Variants in LIN7A observed in about 807,000 individuals in gnomAD.
LIN7A encodes lin-7 cell polarity scaffold A, also known as protein lin-7 homolog A.
In LIN7A, 25 loss-of-function variants were observed where a neutral mutation model predicts 29.8. That is an observed-to-expected ratio of 0.84 (90% CI 0.61 to 1.17). LIN7A has a LOEUF of 1.17. Among genes scored for constraint, LIN7A ranks in the 50% most tolerant of loss-of-function variants. The pLI is 0.00. For synonymous variants in LIN7A, 118 were observed against 107.5 expected (o/e 1.10, Z -0.60); for missense variants, 239 against 287.0 (o/e 0.83, Z 1.21).
intron 4 of LIN7A, among the ~76,000 whole-genome samples, chr12:80,813,273 A>G (rs1871381753): frequency 6.6e-6 from 1 of 152,142 alleles, no homozygotes; most frequent in African/African-American, 2.4e-5. Flanking sequence ...GGCCTCCCAA[A>G]GTGCTGGGAT....
rs544349511 is a variant in LIN7A, at chr12:80,854,898, T to A, written c.202-6576A>T. Among the ~76,000 whole-genome samples, 338 of 152,258 alleles carry A rather than the reference T, an allele frequency of 2.2e-3. 2 individuals carry two copies. Among genetic ancestry groups the A allele is most frequent in the African/African-American group, 7.7e-3 (318 of 41,560 alleles). ...AGTAAGGGTTTGAAACATAAAGACA[T>A]ATATATCTAAGAATATATTTCATAT... On this transcript the variant is annotated intron_variant, in intron 2 of 5. Transcript: ENST00000552864.
In LIN7A at chr12:80,835,655, C is replaced by G. The variant is rs1320897399; in HGVS notation, c.483+10075G>C. On this transcript the variant is annotated intron_variant, in intron 4 of 5. Transcript: ENST00000552864. ...AAAAGGTATCCAGCGTAATGCCAGACACTCTTACATACTTTCTCTTATTTA... is the reference window on the plus strand; with the variant it reads ...AAAAGGTATCCAGCGTAATGCCAGAGACTCTTACATACTTTCTCTTATTTA... Among the ~76,000 whole-genome samples the G allele has an allele frequency of 3.3e-5, 5 of 152,284 alleles. No homozygotes were observed. The East Asian group carries it at 9.6e-4, about 29-fold the overall frequency.
At chr12:80,827,518 T>C (rs1383444555) in intron 4 of LIN7A, among the ~76,000 whole-genome samples, 1 of 152,160 alleles carries the variant, frequency 6.6e-6, no homozygotes, top group Non-Finnish European at 1.5e-5. Context: ...ACCCCATACA[T>C]ATTTTTCAAT....
intron 4 of LIN7A, among the ~76,000 whole-genome samples, chr12:80,824,366 G>A (rs1414980100): frequency 1.3e-5 from 2 of 151,874 alleles, no homozygotes; most frequent in South Asian, 2.1e-4. Flanking sequence ...GACAGAAATG[G>A]TAATAAAAAA....
chr12:80,927,223 G>T lies in LIN7A; in HGVS notation c.82+10418C>A, dbSNP rs1275308231. ...GTCGCCCAGGCTGGAGTGCAGTGGC[G>T]TGATCTCGGCTCATTGCAAGCTCCG... On this transcript the variant is annotated intron_variant, in intron 1 of 5. Transcript: ENST00000552864. Among the ~76,000 whole-genome samples, 12 of 138,868 alleles carry T rather than the reference G, an allele frequency of 8.6e-5. No individual in the cohort carries two copies. In the Middle Eastern group the frequency reaches 0.012, roughly 137 times the overall value. 91.1% of individuals were successfully genotyped at this position (138,868 alleles called of 152,430 possible).
chr12:80,811,056 A>G (rs970611485), intron 5 of LIN7A, among the ~76,000 whole-genome samples: 1 of 152,192 alleles, frequency 6.6e-6, no homozygotes, highest in Non-Finnish European at 1.5e-5. Context: ...TGCAGTTAAT[A>G]CACTGTGTAA....
At chr12:80,862,976 C>T (rs1386802950) in intron 2 of LIN7A, among the ~76,000 whole-genome samples, 1 of 152,190 alleles carries the variant, frequency 6.6e-6, no homozygotes, top group Non-Finnish European at 1.5e-5. Flanking sequence ...GAGGAGTTTT[C>T]CATTACATCT....
chr12:80,852,825 C>A (rs1873397149), intron 2 of LIN7A, among the ~76,000 whole-genome samples: 1 of 152,204 alleles, frequency 6.6e-6, no homozygotes, highest in Non-Finnish European at 1.5e-5. Context: ...CAATCCCCTT[C>A]TCCCAGTATT....
At chr12:80,799,239 C>T (rs897084838) in intron 5 of LIN7A, among the ~76,000 whole-genome samples, 6 of 152,024 alleles carry the variant, frequency 3.9e-5, no homozygotes, top group Non-Finnish European at 8.8e-5. Flanking sequence ...TTAGTATTGC[C>T]CTCAGTCATG....
At chr12:80,843,339 G>C (rs1872909366) in intron 4 of LIN7A, among the ~76,000 whole-genome samples, 1 of 152,088 alleles carries the variant, frequency 6.6e-6, no homozygotes. Flanking sequence ...GTCTGATGCT[G>C]AATATAAGGG....
rs1298975473 is a variant in LIN7A, at chr12:80,796,067, A to G, written c.*1660T>C. ...GGGAAAACCTGGTATTGACAATACT[A>G]TCACCCAACAGGGCATAATAAAATG... On this transcript the variant is annotated 3_prime_UTR_variant, in exon 6 of 6. Coordinates refer to ENST00000552864, the MANE Select transcript of LIN7A (RefSeq NM_004664.4). 6.6e-6 allele frequency: 1 copy of G among 152,198 alleles called. No homozygotes were observed. Among genetic ancestry groups the G allele is most frequent in the Non-Finnish European group, 1.5e-5 (1 of 68,016 alleles). 9.4% of individuals were successfully genotyped at this position (152,198 alleles called of 1,614,324 possible).
chr12:80,882,103 A>C (rs1005483624), intron 2 of LIN7A, among the ~76,000 whole-genome samples: 2 of 152,042 alleles, frequency 1.3e-5, no homozygotes, highest in African/African-American at 2.4e-5. Flanking sequence ...CATCCATTTA[A>C]AAATATTGCA....
At chr12:80,873,001 A>G (rs1874498844) in intron 2 of LIN7A, among the ~76,000 whole-genome samples, 1 of 152,176 alleles carries the variant, frequency 6.6e-6, no homozygotes, top group South Asian at 2.1e-4. Context: ...CATTGTCTCC[A>G]TATGGGCTTA....
chr12:80,869,741 G>A (rs578174624), intron 2 of LIN7A, among the ~76,000 whole-genome samples: 3 of 138,240 alleles, frequency 2.2e-5, no homozygotes, highest in African/African-American at 3.1e-5. Flanking sequence ...ACCACATTAC[G>A]CCAATGGTTT....
chr12:80,812,232 A>C (rs1159277846), intron 4 of LIN7A, among the ~76,000 whole-genome samples: 1 of 152,112 alleles, frequency 6.6e-6, no homozygotes, highest in African/African-American at 2.4e-5. Flanking sequence ...TAAATTAAAT[A>C]ATACAAAATA....
intron 2 of LIN7A, among the ~76,000 whole-genome samples, chr12:80,868,450 C>T (rs551103360): frequency 6.6e-6 from 1 of 152,274 alleles, no homozygotes; most frequent in South Asian, 2.1e-4. Context: ...TGCCTGTGGT[C>T]CCAGCTACTT....
At chr12:80,812,956 G>T (rs1871360963) in intron 4 of LIN7A, among the ~76,000 whole-genome samples, 1 of 152,132 alleles carries the variant, frequency 6.6e-6, no homozygotes, top group African/African-American at 2.4e-5. Flanking sequence ...CCTCAGAAAA[G>T]ATATTCAAAC....
At chr12:80,851,356 T>C (rs1427524544) in intron 2 of LIN7A, among the ~76,000 whole-genome samples, 1 of 124,498 alleles carries the variant, frequency 8.0e-6, no homozygotes, top group Non-Finnish European at 1.6e-5. Context: ...ATTGCTAGTC[T>C]TTTTTTTTTT....
chr12:80,873,805 T>C (rs944936582), intron 2 of LIN7A, among the ~76,000 whole-genome samples: 1 of 151,824 alleles, frequency 6.6e-6, no homozygotes, highest in Non-Finnish European at 1.5e-5. Flanking sequence ...TGGTATCTTA[T>C]ATTTTTTTTA....
Sources: allele counts gnomAD v4.1 joint callset (sites outside exome capture counted in the v4.1 genomes callset), GRCh38; gene constraint gnomAD v4.1.1; transcripts MANE v1.5; gene names NCBI Gene and HGNC (gene_info 2026-07-23, HGNC 2026-07-21).